The following POLDIP2 variants were observed in gnomAD, a reference collection of about 807,000 sequenced individuals.
POLDIP2 encodes polymerase delta-interacting protein 2.
A neutral mutation model predicts 52.9 loss-of-function variants in POLDIP2; 32 were observed. That is an observed-to-expected ratio of 0.61 (90% confidence interval 0.46 to 0.81). POLDIP2 has a LOEUF of 0.81. Among genes scored for constraint, POLDIP2 ranks in the 40% least tolerant of loss-of-function variants. POLDIP2 has a pLI of 0.00. For missense variants in POLDIP2, 371 were observed against 477.3 expected, an observed-to-expected ratio of 0.78 and a Z score of 2.07; for synonymous variants, 183 against 183.0, an observed-to-expected ratio of 1.00 and a Z score of 0.00.
intron 6 of POLDIP2, 70 bp downstream of exon 6, chr17:28,352,842 G>A (rs947977444): frequency 3.1e-6 from 3 of 966,612 alleles, no homozygotes; most frequent in Admixed American, 2.1e-5. Context: ...CCCGGCCCTG[G>A]AATTATTTCT....
rs138815645 is a variant in POLDIP2, at chr17:28,352,624, A to G, written c.622+288T>C. ...GCAATCTCGGCTCACTGCAACCTCC[A>G]CCCTCCTGGGTTCAAGTGATTCTCC... On this transcript the variant is annotated intron_variant, in intron 6 of 10. Coordinates refer to ENST00000540200, the MANE Select transcript of POLDIP2 (RefSeq NM_015584.5). Among the ~76,000 whole-genome samples the G allele has an allele frequency of 7.1e-3, 936 of 132,364 alleles. 11 individuals are homozygous for G. The highest frequency in any genetic ancestry group is 0.026 in the African/African-American group (893 of 34,290). 86.8% of individuals were successfully genotyped at this position (132,364 alleles called of 152,430 possible). A position where few individuals can be genotyped will look rare whatever the true frequency, so the allele number is the denominator to read the frequency against.
At chr17:28,350,866 G>A (rs1907771840) in intron 7 of POLDIP2, 74 bp from the exon 8 acceptor site, 1 of 1,212,236 alleles carries the variant, frequency 8.2e-7, no homozygotes, top group South Asian at 1.3e-5. Context: ...TCTCTCCAGT[G>A]CAGTTGATGT....
chr17:28,352,822 A>C, intron 6 of POLDIP2, 90 bp downstream of exon 6: 1 of 773,422 alleles, frequency 1.3e-6, no homozygotes, highest in Non-Finnish European at 2.2e-6. Context: ...TACAGGCGTG[A>C]GCCACCGTGC....
At chr17:28,356,432 AT>A (rs1908032994) in intron 1 of POLDIP2, among the ~76,000 whole-genome samples, 1 of 152,094 alleles carries the variant, frequency 6.6e-6, no homozygotes, top group African/African-American at 2.4e-5. Flanking sequence ...TGCTCAAAAA[AT>A]ATTTGTCCTG....
At chr17:28,352,396 C>A (rs1433788750) in intron 6 of POLDIP2, among the ~76,000 whole-genome samples, 3 of 151,740 alleles carry the variant, frequency 2.0e-5, no homozygotes, top group Non-Finnish European at 2.9e-5. Context: ...CGCCACCACA[C>A]CCAGCTAATT....
chr17:28,356,954 G>A (rs372728911), intron 1 of POLDIP2, among the ~76,000 whole-genome samples: 11 of 152,256 alleles, frequency 7.2e-5, no homozygotes, highest in African/African-American at 2.4e-4. Context: ...TCCAAAGGCT[G>A]AGGGTTCAAG....
At chr17:28,348,866 T>C (rs1555579386) in intron 10 of POLDIP2, among the ~76,000 whole-genome samples, 2 of 152,204 alleles carry the variant, frequency 1.3e-5, no homozygotes, top group Non-Finnish European at 2.9e-5. Context: ...ACCAGACCTC[T>C]TTAGCCTAAG....
rs1004116065 is a variant in POLDIP2, at chr17:28,350,382, G to A, written c.912+56C>T. ...ACAACAAAGGAGAAGGAAGCCATGC[G>A]CTAAGCCCCCAGGCTTGCCACACAG... On this transcript the variant is annotated intron_variant, in intron 9 of 10. Transcript: ENST00000540200. 27 of 1,505,836 alleles carry A rather than the reference G, an allele frequency of 1.8e-5. No homozygotes were observed. The East Asian group carries it at 4.2e-4, about 24-fold the overall frequency. 93.3% of individuals were successfully genotyped at this position (1,505,836 alleles called of 1,614,324 possible). A position where few individuals can be genotyped will look rare whatever the true frequency, so the allele number is the denominator to read the frequency against.
rs782447937 is a variant in POLDIP2 at position 28,357,274 on chromosome 17, G to C, written c.161+14C>G. ...CAGGCCCAGTTCCTCGCGCCCCCTG[G>C]CTCCGTCCCTCACCGGGACGAGAGG... On this transcript the variant is annotated intron_variant, in intron 1 of 10. Transcript: ENST00000540200. 1.3e-6 allele frequency: 2 copies of C among 1,563,694 alleles called. No homozygotes were observed. The highest frequency in any genetic ancestry group is 8.6e-7 in the Non-Finnish European group (1 of 1,165,010).
intron 9 of POLDIP2, among the ~76,000 whole-genome samples, chr17:28,350,128 G>A (rs558022253): frequency 1.3e-5 from 2 of 152,282 alleles, no homozygotes; most frequent in South Asian, 2.1e-4. Flanking sequence ...GTTTTTAAAA[G>A]ACACTATACC....
Position 28,354,546 on chromosome 17 carries a change from GGAC to G in POLDIP2, c.280_282del (p.Val94del). The G allele has an allele frequency of 6.4e-7, 1 of 1,563,050 alleles. No homozygotes were observed. The highest frequency in any genetic ancestry group is 8.7e-7 in the Non-Finnish European group (1 of 1,153,530). ...TACAGTCTGGCCTGCCAGGGAAACA[GGAC>G]GACACCTCGGTAGCCAAAAATGCTA... is the stretch of plus-strand genomic sequence containing the variant. On this transcript the variant is annotated inframe_deletion, in exon 3 of 11. Transcript: ENST00000540200.
chr17:28,353,288 G>C lies in POLDIP2; in HGVS notation c.467C>G (p.Thr156Ser). 1 of 1,592,914 alleles carries C rather than the reference G, an allele frequency of 6.3e-7. No homozygotes were observed. Among genetic ancestry groups the C allele is most frequent in the Non-Finnish European group, 8.6e-7 (1 of 1,162,684 alleles). ...ACTGTCATCATGGTTAGCCAAGAAG[G>C]TCACAGCTTCTGTCTGAGATCTCTG... is the stretch of plus-strand genomic sequence containing the variant. ...ISQRSQTEAVTFLANHDDSRA... is the reference protein window; with the variant it reads ...ISQRSQTEAVSFLANHDDSRA... The change falls in exon 5 of 11, where the codon ACC becomes AGC. Residue 156 changes from threonine to serine, a missense_variant. Coordinates refer to ENST00000540200, the MANE Select transcript of POLDIP2 (RefSeq NM_015584.5).
intron 8 of POLDIP2, 24 bp downstream of exon 8, chr17:28,350,742 C>T (rs1567791477): frequency 1.9e-6 from 3 of 1,596,622 alleles, no homozygotes; most frequent in Non-Finnish European, 8.5e-7. Flanking sequence ...ACAAGCTCCC[C>T]TTCTCCCAGA....
At chr17:28,349,185 G>T in intron 9 of POLDIP2, 23 bp from the exon 10 acceptor site, 9 of 1,585,632 alleles carry the variant, frequency 5.7e-6, no homozygotes, top group Non-Finnish European at 7.8e-6. Context: ...AGGCAAAATG[G>T]GTCAGGCCAA....
intron 8 of POLDIP2, 49 bp downstream of exon 8, chr17:28,350,717 C>T (rs1555579807): frequency 6.3e-7 from 1 of 1,585,436 alleles, no homozygotes. Flanking sequence ...CCACCCTGAC[C>T]CCCAGGCACA....
At position 28,350,578 on chromosome 17, in the gene POLDIP2, GGAGA is replaced by G. The variant is rs782271056; in HGVS notation, c.787-19_787-16del. ...CAGTAGCGCCACTGAGGTGGGTGTG[GGAGA>G]GAGAGTTTAAAAAAAATAAAATTTG... is the stretch of plus-strand genomic sequence containing the variant. On this transcript the variant is annotated splice_polypyrimidine_tract_variant and intron_variant, in intron 8 of 10. Coordinates refer to ENST00000540200, the MANE Select transcript of POLDIP2 (RefSeq NM_015584.5). 70 of 1,603,378 alleles carry G rather than the reference GGAGA, an allele frequency of 4.4e-5. No individual in the cohort carries two copies. Among genetic ancestry groups the G allele is most frequent in the Non-Finnish European group, 5.5e-5 (65 of 1,175,846 alleles).
At chr17:28,349,611 C>G (rs1907721157) in intron 9 of POLDIP2, among the ~76,000 whole-genome samples, 1 of 152,076 alleles carries the variant, frequency 6.6e-6, no homozygotes, top group Non-Finnish European at 1.5e-5. Flanking sequence ...CTGGGTGACA[C>G]AGCGAGACCC....
In POLDIP2 at chr17:28,357,066, C is replaced by T. The variant is rs372593881; in HGVS notation, c.161+222G>A. On this transcript the variant is annotated intron_variant, in intron 1 of 10. Coordinates refer to ENST00000540200, the MANE Select transcript of POLDIP2 (RefSeq NM_015584.5). ...ACTTGGGGAGGGTAACCTGTTCCCC[C>T]CCAGGGCCAGCCCTGTACAACCAGG... 5.9e-5 allele frequency among the ~76,000 whole-genome samples: 9 copies of T among 152,374 alleles called. No individual in the cohort carries two copies. The East Asian group carries it at 1.7e-3, about 29-fold the overall frequency.
rs1444593261 is a variant in POLDIP2 at position 28,347,383 on chromosome 17, G to A, written c.*734C>T. 2 of 152,206 alleles carry A rather than the reference G, an allele frequency of 1.3e-5. No homozygotes were observed. Among genetic ancestry groups the A allele is most frequent in the Non-Finnish European group, 2.9e-5 (2 of 68,052 alleles). The allele number at this position is 152,206 out of a possible 1,614,324, so 9.4% of individuals were successfully genotyped here. On this transcript the variant is annotated 3_prime_UTR_variant, in exon 11 of 11. Coordinates refer to ENST00000540200, the MANE Select transcript of POLDIP2 (RefSeq NM_015584.5). ...AAAGCTGCTCCTCAGCCAAATTCCT[G>A]CATTTGTGGTCTGGATGCTTGGCAG...
Sources: allele counts gnomAD v4.1 joint callset (sites outside exome capture counted in the v4.1 genomes callset), GRCh38; gene constraint gnomAD v4.1.1; transcripts MANE v1.5; gene names NCBI Gene and HGNC (gene_info 2026-07-23, HGNC 2026-07-21).